The following FAT3 variants were observed in gnomAD, a reference collection of about 807,000 sequenced individuals.
FAT3 encodes FAT atypical cadherin 3.
In FAT3, 95 loss-of-function variants were observed where a neutral mutation model predicts 310.2. The ratio of observed to expected loss-of-function variants is 0.31; its 90% CI spans 0.26 to 0.36. The LOEUF (loss-of-function observed/expected upper bound fraction) is 0.36, where lower values mean the gene tolerates loss of function less well. Ranked by LOEUF, FAT3 falls within the 10% of genes least tolerant of loss-of-function variation. The probability of loss-of-function intolerance (pLI) is 1.00; values close to 1 mark genes in which losing one functional copy is unlikely to be tolerated. For missense variants in FAT3, 5,408 were observed against 5,715.6 expected (o/e 0.95, Z 1.74); for synonymous variants, 2,314 against 2,192.9 (o/e 1.06, Z -1.54).
At chr11:92,641,306 T>C (rs1368633817) in intron 3 of FAT3, among the ~76,000 whole-genome samples, 1 of 152,240 alleles carries the variant, frequency 6.6e-6, no homozygotes, top group African/African-American at 2.4e-5. Flanking sequence ...ATATGCTAAA[T>C]ATCTGCATAA....
intron 1 of FAT3, among the ~76,000 whole-genome samples, chr11:92,304,231 G>A (rs536191818): frequency 2.0e-5 from 3 of 152,158 alleles, no homozygotes; most frequent in Non-Finnish European, 2.9e-5. Flanking sequence ...AATGCATCAG[G>A]GTTCCTCCTG....
chr11:92,716,732 T>C lies in FAT3; in HGVS notation c.3669+19287T>C, dbSNP rs115162860. ...CACTCACCAGGGTCACTTTGATGAA[T>C]ACATCATCCCAGCCTAATTGCTATG... is the stretch of plus-strand genomic sequence containing the variant. On this transcript the variant is annotated intron_variant, in intron 4 of 27. Transcript: ENST00000525166. 1.8e-3 allele frequency among the ~76,000 whole-genome samples: 269 copies of C among 152,304 alleles called. 1 individual carries two copies. The highest frequency in any genetic ancestry group is 6.2e-3 in the African/African-American group (258 of 41,572).
At chr11:92,862,693 T>G (rs1414835311) in intron 21 of FAT3, among the ~76,000 whole-genome samples, 1 of 152,198 alleles carries the variant, frequency 6.6e-6, no homozygotes, top group Non-Finnish European at 1.5e-5. Context: ...ATTTGAGAGT[T>G]TCAATGATCT....
intron 2 of FAT3, among the ~76,000 whole-genome samples, chr11:92,357,648 A>G (rs1292700456): frequency 6.6e-6 from 1 of 152,074 alleles, no homozygotes; most frequent in African/African-American, 2.4e-5. Flanking sequence ...CACCACTGCT[A>G]TACAGATGAC....
At chr11:92,412,190 C>T (rs991848860) in intron 2 of FAT3, among the ~76,000 whole-genome samples, 1 of 151,908 alleles carries the variant, frequency 6.6e-6, no homozygotes, top group African/African-American at 2.4e-5. Flanking sequence ...GCAATCTTTG[C>T]CTTCTGGGTT....
intron 2 of FAT3, among the ~76,000 whole-genome samples, chr11:92,452,783 GA>G (rs1951395248): frequency 6.6e-6 from 1 of 152,032 alleles, no homozygotes; most frequent in African/African-American, 2.4e-5. Flanking sequence ...TATTTTTTGA[GA>G]CAGTGTCTTG....
rs555581260 is a variant in FAT3, at chr11:92,506,421, A to G, written c.3293-18213A>G. 4.6e-5 allele frequency among the ~76,000 whole-genome samples: 7 copies of G among 152,184 alleles called. No homozygotes were observed. In the East Asian group the frequency reaches 1.4e-3, roughly 29 times the overall value. On this transcript the variant is annotated intron_variant, in intron 2 of 27. Coordinates refer to ENST00000525166, the MANE Select transcript of FAT3 (RefSeq NM_001367949.2). ...TACCTCCACAATACCATTCTCATGC[A>G]TTTTTGCTTCAGTGAGCCAGCTTTC...
chr11:92,583,887 G>A (rs1190560885), intron 3 of FAT3, among the ~76,000 whole-genome samples: 2 of 148,126 alleles, frequency 1.4e-5, no homozygotes, highest in African/African-American at 4.9e-5. Context: ...ACGAGAGAGG[G>A]AGCAGATGAA....
chr11:92,366,267 G>A (rs1399790037), intron 2 of FAT3, among the ~76,000 whole-genome samples: 7 of 152,180 alleles, frequency 4.6e-5, no homozygotes, highest in East Asian at 3.9e-4. Context: ...TTCTCAGCTT[G>A]GACTGAGAAC....
chr11:92,345,908 A>G (rs531798385), intron 1 of FAT3, among the ~76,000 whole-genome samples: 1 of 152,204 alleles, frequency 6.6e-6, no homozygotes, highest in African/African-American at 2.4e-5. Context: ...CCCTTTGGCT[A>G]TAAAACTCAG....
At chr11:92,812,457 C>G (rs1947701394) in intron 13 of FAT3, among the ~76,000 whole-genome samples, 1 of 151,888 alleles carries the variant, frequency 6.6e-6, no homozygotes, top group African/African-American at 2.4e-5. Context: ...GGTACTACGC[C>G]TGTAGTCCCA....
chr11:92,746,327 A>C (rs1261774522), intron 4 of FAT3, among the ~76,000 whole-genome samples: 1 of 152,234 alleles, frequency 6.6e-6, no homozygotes, highest in African/African-American at 2.4e-5. Context: ...GCAGCAGGCT[A>C]GAGGCTTGTG....
In FAT3 at chr11:92,883,510, A is replaced by T. The variant is rs1949726049; in HGVS notation, c.12937+117A>T. On this transcript the variant is annotated intron_variant, in intron 24 of 27. Transcript: ENST00000525166. This position sits in a 1 kb window ranked among gnomAD's most constrained non-coding sequence, Gnocchi z 4.2. ...CCGCATGCAGAGCATTCGCTATGAC[A>T]TGTGCTGATGTCGAATGTGCACACC... is the stretch of plus-strand genomic sequence containing the variant. 1 of 1,312,554 alleles carries T rather than the reference A, an allele frequency of 7.6e-7. No homozygotes were observed. Among genetic ancestry groups the T allele is most frequent in the Non-Finnish European group, 1.0e-6 (1 of 972,576 alleles). 81.3% of individuals were successfully genotyped at this position (1,312,554 alleles called of 1,614,324 possible).
chr11:92,873,368 G>A (rs1036522376), intron 22 of FAT3, among the ~76,000 whole-genome samples: 3 of 152,148 alleles, frequency 2.0e-5, no homozygotes, highest in African/African-American at 7.2e-5. Flanking sequence ...CAAGCAGAGT[G>A]GCTGATGCTG....
chr11:92,330,116 A>T (rs913130498), intron 1 of FAT3, among the ~76,000 whole-genome samples: 2 of 152,224 alleles, frequency 1.3e-5, no homozygotes, highest in African/African-American at 4.8e-5. Context: ...AAGCAAAAAC[A>T]TTCTCTTCCT....
intron 17 of FAT3, 93 bp from the exon 18 acceptor site, chr11:92,840,469 G>T: frequency 8.4e-7 from 1 of 1,192,986 alleles, no homozygotes; most frequent in Non-Finnish European, 1.1e-6. Context: ...AGCCTGAAAT[G>T]ATGGTATTTT....
chr11:92,775,879 G>A (rs1486674331), intron 7 of FAT3, among the ~76,000 whole-genome samples: 2 of 152,084 alleles, frequency 1.3e-5, no homozygotes, highest in African/African-American at 4.8e-5. Flanking sequence ...AAATCATACT[G>A]TTTCCGGGTA....
At chr11:92,652,694 T>C (rs897736659) in intron 3 of FAT3, among the ~76,000 whole-genome samples, 28 of 152,214 alleles carry the variant, frequency 1.8e-4, no homozygotes, top group African/African-American at 6.8e-4. Flanking sequence ...ACACCGGGGC[T>C]GGGAAACGAT....
chr11:92,813,862 C>T (rs367802507), intron 13 of FAT3, among the ~76,000 whole-genome samples: 9 of 152,134 alleles, frequency 5.9e-5, no homozygotes, highest in African/African-American at 2.2e-4. Flanking sequence ...ATTATTCCAC[C>T]AGTGCTATGA....
Sources: allele counts gnomAD v4.1 joint callset (sites outside exome capture counted in the v4.1 genomes callset), GRCh38; gene constraint gnomAD v4.1.1; non-coding constraint Gnocchi (gnomAD v3.1); transcripts MANE v1.5; gene names NCBI Gene and HGNC (gene_info 2026-07-23, HGNC 2026-07-21).